HTR5A: variants seen among roughly 807,000 people sequenced by gnomAD.
The protein encoded by HTR5A is 5-hydroxytryptamine receptor 5A.
Under a neutral mutation model 24.3 loss-of-function variants are expected in HTR5A, and 21 were observed. The ratio of observed to expected loss-of-function variants is 0.86; its 90% CI spans 0.61 to 1.24. The LOEUF (loss-of-function observed/expected upper bound fraction) is 1.24, where lower values mean the gene tolerates loss of function less well. Ranked by LOEUF, HTR5A falls within the 50% of genes most tolerant of loss-of-function variation. The pLI is 0.00. For missense variants in HTR5A, 497 were observed against 489.5 expected (o/e 1.02, Z -0.15); for synonymous variants, 260 against 213.7 (o/e 1.22, Z -1.89).
In HTR5A at chr7:155,086,211, G is replaced by GA; in HGVS notation, c.*1729dup. Among the ~76,000 whole-genome samples, 1 of 152,176 alleles carries GA rather than the reference G, an allele frequency of 6.6e-6. No homozygotes were observed. On this transcript the variant is annotated 3_prime_UTR_variant, in exon 2 of 2. Transcript: ENST00000287907. ...TTTGAATAAGGGAAGGGAAGTGTTT[G>GA]AAAAACCTTATTAAGTACCCCATGG... is the stretch of plus-strand genomic sequence containing the variant.
Position 155,070,874 on chromosome 7 carries a change from C to A in HTR5A, c.-26C>A. ...CTCCTGAACACCCCTTCTGCAAGTA[C>A]CCCAGGGCGGTCTCCTGACCCAGAG... On this transcript the variant is annotated 5_prime_UTR_variant, in exon 1 of 2. The change creates a premature stop within an existing upstream ORF in the 5' untranslated region. Coordinates refer to ENST00000287907, the MANE Select transcript of HTR5A (RefSeq NM_024012.4). 1 of 1,579,902 alleles carries A rather than the reference C, an allele frequency of 6.3e-7. No homozygotes were observed.
At position 155,079,140 on chromosome 7, in the gene HTR5A, A is replaced by C. The variant is rs955925748; in HGVS notation, c.742-5015A>C. ...TGGCTAATTTTTAAAATTTTTGTGG[A>C]GATGGGGTCTCTCTATTGCACAGGC... On this transcript the variant is annotated intron_variant, in intron 1 of 1. Coordinates refer to ENST00000287907, the MANE Select transcript of HTR5A (RefSeq NM_024012.4). 2.8e-4 allele frequency among the ~76,000 whole-genome samples: 42 copies of C among 152,092 alleles called. No homozygotes were observed. In the East Asian group the frequency reaches 7.3e-3, roughly 27 times the overall value.
intron 1 of HTR5A, among the ~76,000 whole-genome samples, chr7:155,081,960 A>G (rs76275803): frequency 0.029 from 4,475 of 152,340 alleles, 79 homozygotes; most frequent in South Asian, 0.047. Flanking sequence ...GCTTTTCTGA[A>G]CAACGTGGAG....
rs767824283 is a variant in HTR5A at position 155,084,348 on chromosome 7, C to T, written c.935C>T (p.Ser312Phe). 1.9e-6 allele frequency: 3 copies of T among 1,614,044 alleles called. No individual in the cohort carries two copies. Among genetic ancestry groups the T allele is most frequent in the Admixed American group, 1.7e-5 (1 of 60,002 alleles). Residue 312 changes from serine to phenylalanine, a missense_variant, in exon 2 of 2, where the codon TCC becomes TTC. Transcript: ENST00000287907. ...FLTELISPLC[S>F]CDIPAIWKSI... ...ACCGAGCTCATCAGTCCCCTCTGCT[C>T]CTGTGACATCCCCGCCATCTGGAAA... is the stretch of plus-strand genomic sequence containing the variant.
rs1294194115 is a variant in HTR5A, at chr7:155,086,621, C to G, written c.*2134C>G. Among the ~76,000 whole-genome samples the G allele has an allele frequency of 6.6e-6, 1 of 152,176 alleles. No homozygotes were observed. Among genetic ancestry groups the G allele is most frequent in the Admixed American group, 6.5e-5 (1 of 15,284 alleles). The stretch of plus-strand genomic sequence containing the variant: ...TGTCACTTAAATTATACATTATATA[C>G]AACATACTCCACATACACTATCTAG... On this transcript the variant is annotated 3_prime_UTR_variant, in exon 2 of 2. Transcript: ENST00000287907.
At position 155,071,672 on chromosome 7, in the gene HTR5A, G is replaced by A. The variant is rs368599563; in HGVS notation, c.741+32G>A. 6.4e-5 allele frequency: 103 copies of A among 1,604,126 alleles called. 1 individual carries two copies. Among genetic ancestry groups the A allele is most frequent in the African/African-American group, 3.5e-4 (26 of 74,708 alleles). On this transcript the variant is annotated intron_variant, in intron 1 of 1. Transcript: ENST00000287907. ...ATCTCAGCAATCCTTAAAAATACTC[G>A]ACTTGCATCTGTACAGGCTATATCC...
intron 1 of HTR5A, among the ~76,000 whole-genome samples, chr7:155,074,388 T>C (rs1795338500): frequency 6.6e-6 from 1 of 152,174 alleles, no homozygotes; most frequent in Non-Finnish European, 1.5e-5. Flanking sequence ...AGGCACAGTT[T>C]GCCTAAGAAG....
Position 155,086,720 on chromosome 7 carries a change from A to T in HTR5A, c.*2233A>T, listed in dbSNP as rs1165914618. ...TTATTTTGCTTCCATTTCAATAGTA[A>T]AAGTTGTTTATACCCTGGTAAGAAA... On this transcript the variant is annotated 3_prime_UTR_variant, in exon 2 of 2. Coordinates refer to ENST00000287907, the MANE Select transcript of HTR5A (RefSeq NM_024012.4). Among the ~76,000 whole-genome samples the T allele has an allele frequency of 6.6e-6, 1 of 152,204 alleles. No homozygotes were observed. The highest frequency in any genetic ancestry group is 2.4e-5 in the African/African-American group (1 of 41,450).
At chr7:155,075,071 A>G (rs1335182980) in intron 1 of HTR5A, among the ~76,000 whole-genome samples, 2 of 152,226 alleles carry the variant, frequency 1.3e-5, no homozygotes, top group Non-Finnish European at 2.9e-5. Context: ...AAATCCTAAG[A>G]GAAGAAAATT....
At chr7:155,073,996 C>A (rs7800742) in intron 1 of HTR5A, among the ~76,000 whole-genome samples, 1 of 150,298 alleles carries the variant, frequency 6.7e-6, no homozygotes, top group South Asian at 2.1e-4. Flanking sequence ...GCAAAAGGAC[C>A]CAAAATAATC....
Position 155,070,431 on chromosome 7 carries a change from G to A in HTR5A, c.-469G>A. On this transcript the variant is annotated 5_prime_UTR_variant, in exon 1 of 2. Transcript: ENST00000287907. ...CCCCAAAACTGGCTTCCCTAGCACG[G>A]AGTTAAGGCTGCAGCCGGCTGCCTA... The A allele has an allele frequency of 2.2e-6, 1 of 447,594 alleles. No homozygotes were observed. The highest frequency in any genetic ancestry group is 4.5e-6 in the Non-Finnish European group (1 of 224,110). 27.7% of individuals were successfully genotyped at this position (447,594 alleles called of 1,614,324 possible). A position where few individuals can be genotyped will look rare whatever the true frequency, so the allele number is the denominator to read the frequency against.
chr7:155,078,343 A>G (rs1482302674), intron 1 of HTR5A, among the ~76,000 whole-genome samples: 4 of 152,250 alleles, frequency 2.6e-5, no homozygotes, highest in African/African-American at 9.6e-5. Context: ...ATTTATAGAA[A>G]GATATGACAA....
chr7:155,076,920 G>A (rs904900864), intron 1 of HTR5A, among the ~76,000 whole-genome samples: 2 of 152,158 alleles, frequency 1.3e-5, no homozygotes, highest in Admixed American at 6.5e-5. Flanking sequence ...CTTAAAATAA[G>A]CAATGTTCTT....
At chr7:155,082,498 CAGTGTGATA>C (rs1212457225) in intron 1 of HTR5A, among the ~76,000 whole-genome samples, 1 of 152,172 alleles carries the variant, frequency 6.6e-6, no homozygotes, top group East Asian at 1.9e-4. Context: ...TTTATGTGAC[CAGTGTGATA>C]AGCCTCCACA....
In HTR5A at chr7:155,084,360, C is replaced by T. The variant is rs756258628; in HGVS notation, c.947C>T (p.Pro316Leu). The T allele has an allele frequency of 3.1e-6, 5 of 1,614,158 alleles. No homozygotes were observed. In the South Asian group the frequency reaches 4.4e-5, roughly 14 times the overall value. The change falls in exon 2 of 2, where the codon CCC (proline) becomes CTC (leucine). Residue 316 changes from proline (P) to leucine (L), a missense_variant. Coordinates refer to ENST00000287907, the MANE Select transcript of HTR5A (RefSeq NM_024012.4). The part of the protein sequence containing the change: ...LISPLCSCDI[P>L]AIWKSIFLWL... ...AGTCCCCTCTGCTCCTGTGACATCCCCGCCATCTGGAAAAGCATCTTCCTG... is the reference window on the plus strand; with the variant it reads ...AGTCCCCTCTGCTCCTGTGACATCCTCGCCATCTGGAAAAGCATCTTCCTG...
Position 155,077,529 on chromosome 7 carries a change from T to A in HTR5A, c.741+5889T>A, listed in dbSNP as rs189919763. Among the ~76,000 whole-genome samples the A allele has an allele frequency of 2.3e-3, 345 of 149,102 alleles. 1 individual carries two copies. The highest frequency in any genetic ancestry group is 8.3e-3 in the African/African-American group (333 of 40,236). ...TCTAGGCCAGAGTGCAGTGGCATAA[T>A]CTCAGCTCACTGCAATCTCCACCTC... On this transcript the variant is annotated intron_variant, in intron 1 of 1. Transcript: ENST00000287907.
chr7:155,084,575 T>C lies in HTR5A; in HGVS notation c.*88T>C. On this transcript the variant is annotated 3_prime_UTR_variant, in exon 2 of 2. Transcript: ENST00000287907. Reference sequence around the variant, plus strand: ...ATTTCCCATCCCCACCCAACAGCCATGTGGACGGGATGAATCCTCACCATT... The same window carrying C: ...ATTTCCCATCCCCACCCAACAGCCACGTGGACGGGATGAATCCTCACCATT... The C allele has an allele frequency of 5.4e-6, 6 of 1,104,632 alleles. No homozygotes were observed. The South Asian group carries it at 7.4e-5, about 14-fold the overall frequency. 68.4% of individuals were successfully genotyped at this position (1,104,632 alleles called of 1,614,324 possible).
rs747763482 is a variant in HTR5A, at chr7:155,084,313, C to T, written c.900C>T (p.Pro300=). The change falls in exon 2 of 2, where the codon CCC becomes CCT. Residue 300 remains proline, a synonymous_variant. Coordinates refer to ENST00000287907, the MANE Select transcript of HTR5A (RefSeq NM_024012.4). Reference sequence around the variant, plus strand: ...GCGTGTTCGTGCTCTGCTGGATCCCCTTCTTTCTCACCGAGCTCATCAGTC... The same window carrying T: ...GCGTGTTCGTGCTCTGCTGGATCCCTTTCTTTCTCACCGAGCTCATCAGTC... ...LIGVFVLCWI[P]FFLTELISPL... is the part of the protein sequence containing the mutation. 3.7e-6 allele frequency: 6 copies of T among 1,614,030 alleles called. No individual in the cohort carries two copies. Among genetic ancestry groups the T allele is most frequent in the Admixed American group, 1.7e-5 (1 of 60,006 alleles).
At chr7:155,083,044 T>C (rs1052073277) in intron 1 of HTR5A, among the ~76,000 whole-genome samples, 5 of 152,240 alleles carry the variant, frequency 3.3e-5, no homozygotes, top group Non-Finnish European at 5.9e-5. Flanking sequence ...CAACTAACAT[T>C]GCCTTAACCA....
Sources: gnomAD v4.1 joint callset for allele counts (sites outside exome capture counted in the v4.1 genomes callset) on GRCh38, gnomAD v4.1.1 for gene constraint, MANE v1.5 for transcripts, NCBI Gene and HGNC (gene_info 2026-07-23, HGNC 2026-07-21) for gene names.